The following UGT3A2 variants were observed in gnomAD, a reference collection of about 807,000 sequenced individuals.
The protein encoded by UGT3A2 is UDP glycosyltransferase family 3 member A2, also known as UDP-glycosyltransferase 3A2.
In UGT3A2, 32 loss-of-function variants were observed where a neutral mutation model predicts 39.8. The ratio of observed to expected loss-of-function variants is 0.80; its 90% CI spans 0.61 to 1.08. UGT3A2 has a LOEUF of 1.08. Ranked by LOEUF, UGT3A2 falls within the 50% of genes least tolerant of loss-of-function variation. The pLI, the probability that UGT3A2 is intolerant of heterozygous loss-of-function variation, is 0.00. For missense variants in UGT3A2, 611 were observed against 637.1 expected (o/e 0.96, Z 0.44); for synonymous variants, 241 against 230.7 (o/e 1.04, Z -0.40).
intron 5 of UGT3A2, 89 bp from the exon 6 acceptor site, chr5:36,038,105 G>T: frequency 1.5e-6 from 2 of 1,328,890 alleles, no homozygotes; most frequent in Non-Finnish European, 2.0e-6. Context: ...AAGTGCCAAG[G>T]GGATCTAGTG....
rs143229405 is a variant in UGT3A2 at position 36,049,189 on chromosome 5, C to A, written c.543G>T (p.Leu181Phe). ...GSLEFGLPIP[L>F]SYVPVFRSLL... ...AGGAACGGAATACTGGAACATAAGACAAGGGGATTGGTAGCCCAAATTCCA... is the reference window on the plus strand; with the variant it reads ...AGGAACGGAATACTGGAACATAAGAAAAGGGGATTGGTAGCCCAAATTCCA... Residue 181 changes from leucine to phenylalanine, a missense_variant, in exon 4 of 7, where the codon TTG becomes TTT. Physicochemically the swap from Leu to Phe is conservative, Grantham distance 22. Transcript: ENST00000282507. 13 of 1,614,018 alleles carry A rather than the reference C, an allele frequency of 8.1e-6. No homozygotes were observed. Among genetic ancestry groups the A allele is most frequent in the Non-Finnish European group, 1.1e-5 (13 of 1,180,034 alleles).
intron 4 of UGT3A2, among the ~76,000 whole-genome samples, chr5:36,047,330 A>G (rs1742198137): frequency 6.6e-6 from 1 of 152,238 alleles, no homozygotes; most frequent in Non-Finnish European, 1.5e-5. Flanking sequence ...ACCTTGGCAA[A>G]TAAAGTTTCT....
At chr5:36,053,176 C>T (rs751404766) in intron 2 of UGT3A2, among the ~76,000 whole-genome samples, 48 of 152,174 alleles carry the variant, frequency 3.2e-4, no homozygotes, top group Non-Finnish European at 6.0e-4. Context: ...ATTTGCCACA[C>T]TCATTTAAGA....
At chr5:36,036,055 C>T in intron 6 of UGT3A2, 81 bp from the exon 7 acceptor site, 1 of 1,513,118 alleles carries the variant, frequency 6.6e-7, no homozygotes, top group Non-Finnish European at 8.9e-7. Flanking sequence ...ATATGATGCA[C>T]CAAAGACTGA....
chr5:36,042,347 C>A (rs370401773), intron 4 of UGT3A2, among the ~76,000 whole-genome samples: 80 of 152,118 alleles, frequency 5.3e-4, no homozygotes, highest in African/African-American at 1.8e-3. Context: ...ATGTTACTTG[C>A]AAGCCTTGTA....
At chr5:36,054,217 C>T (rs532316271) in intron 2 of UGT3A2, among the ~76,000 whole-genome samples, 212 of 152,304 alleles carry the variant, frequency 1.4e-3, no homozygotes, top group African/African-American at 5.0e-3. Flanking sequence ...GATAGTCTCC[C>T]TGTCTCAAAA....
chr5:36,059,390 T>C (rs771799266), intron 2 of UGT3A2, among the ~76,000 whole-genome samples: 24 of 138,970 alleles, frequency 1.7e-4, no homozygotes, highest in Non-Finnish European at 3.1e-4. Flanking sequence ...TGGAGTTTGG[T>C]ACATATCATC....
chr5:36,039,671 C>A lies in UGT3A2; in HGVS notation c.881G>T (p.Gly294Val), dbSNP rs1231394671. The change falls in exon 5 of 7, where the codon GGT becomes GTT. Residue 294 changes from glycine to valine, a missense_variant. By Grantham distance (109) the Gly-to-Val change is moderately radical. Coordinates refer to ENST00000282507, the MANE Select transcript of UGT3A2 (RefSeq NM_174914.4). ...ENFIAKFGDSGFVLVTLGSMV... is the reference protein window; with the variant it reads ...ENFIAKFGDSVFVLVTLGSMV... ...GGAGCCCAAGGTCACAAGGACAAAA[C>A]CAGAGTCCCCAAACTTGGCAATGAA... 3.1e-6 allele frequency: 5 copies of A among 1,614,166 alleles called. No individual in the cohort carries two copies. Among genetic ancestry groups the A allele is most frequent in the Non-Finnish European group, 3.4e-6 (4 of 1,180,024 alleles).
At chr5:36,048,525 C>T (rs1289911747) in intron 4 of UGT3A2, among the ~76,000 whole-genome samples, 2 of 152,246 alleles carry the variant, frequency 1.3e-5, no homozygotes, top group Non-Finnish European at 2.9e-5. Flanking sequence ...ATCTCCTTAA[C>T]AATTACTGCA....
At chr5:36,038,163 A>G (rs564616531) in intron 5 of UGT3A2, 147 bp from the exon 6 acceptor site, 9 of 838,056 alleles carry the variant, frequency 1.1e-5, no homozygotes, top group South Asian at 6.0e-5. Flanking sequence ...GACACATCCA[A>G]TGTTACAGTT....
chr5:36,062,595 G>C (rs1298325841), intron 2 of UGT3A2, among the ~76,000 whole-genome samples: 1 of 151,830 alleles, frequency 6.6e-6, no homozygotes. Flanking sequence ...CTGTTCCATT[G>C]ATCTATATCT....
chr5:36,055,563 C>T (rs900497252), intron 2 of UGT3A2, among the ~76,000 whole-genome samples: 1 of 152,102 alleles, frequency 6.6e-6, no homozygotes, highest in African/African-American at 2.4e-5. Flanking sequence ...AGAGCAAGAC[C>T]ACCAGCTAGT....
Position 36,048,922 on chromosome 5 carries a change from G to A in UGT3A2, c.810C>T (p.Gly270=). The change falls in exon 4 of 7, where the codon GGC becomes GGT. Residue 270 remains glycine (G), a synonymous_variant. Transcript: ENST00000282507. ...CTGGTTTAATAGGTTTTTCCATCAA[G>A]CCTCCAACATAAACAGTGTTGGGAA... ...PLLPNTVYVG[G]LMEKPIKPVP... 6.2e-7 allele frequency: 1 copy of A among 1,614,064 alleles called. No individual in the cohort carries two copies. Among genetic ancestry groups the A allele is most frequent in the East Asian group, 2.2e-5 (1 of 44,882 alleles).
At chr5:36,036,617 C>T (rs10038804) in intron 6 of UGT3A2, among the ~76,000 whole-genome samples, 101,746 of 152,066 alleles carry the variant, frequency 0.67, 35,970 homozygotes, top group Non-Finnish European at 0.79. Context: ...AAAAATCCAA[C>T]GAAAGCTACA....
At chr5:36,052,970 TC>T (rs1742397007) in intron 2 of UGT3A2, among the ~76,000 whole-genome samples, 1 of 152,220 alleles carries the variant, frequency 6.6e-6, no homozygotes, top group Admixed American at 6.5e-5. Flanking sequence ...AATGTTTTTT[TC>T]CATGCTGATT....
At chr5:36,061,264 A>T (rs1742690972) in intron 2 of UGT3A2, among the ~76,000 whole-genome samples, 1 of 142,230 alleles carries the variant, frequency 7.0e-6, no homozygotes, top group South Asian at 2.2e-4. Context: ...TTATACTTTA[A>T]GTTTTAGGGT....
Position 36,066,830 on chromosome 5 carries a change from G to T in UGT3A2, c.-41C>A, listed in dbSNP as rs770361595. On this transcript the variant is annotated 5_prime_UTR_variant, in exon 1 of 7. Coordinates refer to ENST00000282507, the MANE Select transcript of UGT3A2 (RefSeq NM_174914.4). The stretch of plus-strand genomic sequence containing the variant: ...AGCCGCGGATCTCAGCCTGGGCTGC[G>T]CGCCCTGCGCCCGGCTAAGGGACCC... The T allele has an allele frequency of 1.2e-6, 2 of 1,612,790 alleles. No homozygotes were observed. Among genetic ancestry groups the T allele is most frequent in the Non-Finnish European group, 1.7e-6 (2 of 1,178,862 alleles).
chr5:36,064,159 T>C (rs1742804941), intron 2 of UGT3A2, 90 bp downstream of exon 2: 2 of 1,230,324 alleles, frequency 1.6e-6, no homozygotes, highest in Non-Finnish European at 2.3e-6. Context: ...AATTAGATTT[T>C]TAAAAAACAT....
intron 4 of UGT3A2, among the ~76,000 whole-genome samples, chr5:36,047,422 TCTTA>T (rs1207431642): frequency 5.3e-5 from 8 of 152,210 alleles, no homozygotes; most frequent in Non-Finnish European, 1.2e-4. Context: ...TTTTGCCAAT[TCTTA>T]CTTCCAAATA....
Sources: allele counts gnomAD v4.1 joint callset (sites outside exome capture counted in the v4.1 genomes callset), GRCh38; gene constraint gnomAD v4.1.1; transcripts MANE v1.5; gene names NCBI Gene and HGNC (gene_info 2026-07-23, HGNC 2026-07-21).